The following GEMIN4 variants were observed in gnomAD, a reference collection of about 807,000 sequenced individuals.
GEMIN4 encodes gem-associated protein 4.
GEMIN4 carries 59 observed loss-of-function variants against 76.8 expected under a neutral mutation model. The ratio of observed to expected loss-of-function variants is 0.77; its 90% CI spans 0.62 to 0.95. The LOEUF is 0.95. GEMIN4 is among the 40% of genes least tolerant of loss of function. GEMIN4 has a pLI of 0.00. For missense variants in GEMIN4, 1,311 were observed against 1,318.9 expected (o/e 0.99, Z 0.09); for synonymous variants, 562 against 559.7 (o/e 1.00, Z -0.06).
In GEMIN4 at chr17:746,290, A is replaced by G. The variant is rs1974405676; in HGVS notation, c.1753T>C (p.Phe585Leu). 1.9e-6 allele frequency: 3 copies of G among 1,613,808 alleles called. No individual in the cohort carries two copies. Among genetic ancestry groups the G allele is most frequent in the East Asian group, 2.2e-5 (1 of 44,882 alleles). ...TCTTCCACAAACCTAAGGGCAGGGA[A>G]GGCAGTGAGAATCTGGGCCAGGAAC... ...HKFLAQILTA[F>L]PALRFVEEQG... is the part of the protein sequence containing the mutation. The change falls in exon 2 of 2, where the codon TTC (phenylalanine) becomes CTC (leucine). Residue 585 changes from phenylalanine to leucine, a missense_variant. This residue lies in a region of GEMIN4 where 1,208 missense variants were observed against 1,166.9 expected (regional missense o/e 1.04). Coordinates refer to ENST00000319004, the MANE Select transcript of GEMIN4 (RefSeq NM_015721.3). The surrounding 1 kb of genome is among the most constrained non-coding windows in gnomAD (Gnocchi z 4.3).
Position 744,763 on chromosome 17 carries a change from C to A in GEMIN4, c.*103G>T. Reference sequence around the variant, plus strand: ...CCAGGCTGCTCGGGTCTGACCCCTACAGACCTGCCATGTTGAAGCCCAGCT... The same window carrying A: ...CCAGGCTGCTCGGGTCTGACCCCTAAAGACCTGCCATGTTGAAGCCCAGCT... On this transcript the variant is annotated 3_prime_UTR_variant, in exon 2 of 2. Transcript: ENST00000319004. 1 of 1,308,202 alleles carries A rather than the reference C, an allele frequency of 7.6e-7. No homozygotes were observed. Among genetic ancestry groups the A allele is most frequent in the Non-Finnish European group, 1.0e-6 (1 of 975,658 alleles). 81.0% of individuals were successfully genotyped at this position (1,308,202 alleles called of 1,614,324 possible). A position where few individuals can be genotyped will look rare whatever the true frequency, so the allele number is the denominator to read the frequency against.
intron 1 of GEMIN4, 166 bp from the exon 2 acceptor site, chr17:748,198 C>A (rs1057071297): frequency 6.5e-6 from 4 of 612,210 alleles, no homozygotes; most frequent in Non-Finnish European, 1.1e-5. Context: ...GTCAGAAGGA[C>A]TTGGCCGAGG....
In GEMIN4 at chr17:747,275, G is replaced by A. The variant is rs775097115; in HGVS notation, c.768C>T (p.Asp256=). 8.7e-6 allele frequency: 14 copies of A among 1,613,652 alleles called. No individual in the cohort carries two copies. Among genetic ancestry groups the A allele is most frequent in the Non-Finnish European group, 1.2e-5 (14 of 1,179,884 alleles). ...MLTVFALTED[D]PQEVSATVYL... ...ACACGGTTGCAGACACCTCCTGGGG[G>A]TCGTCCTCTGTCAGCGCAAACACAG... is the stretch of plus-strand genomic sequence containing the variant. Residue 256 remains aspartate (D), a synonymous_variant, in exon 2 of 2, where the codon GAC becomes GAT. Coordinates refer to ENST00000319004, the MANE Select transcript of GEMIN4 (RefSeq NM_015721.3).
chr17:753,518 A>C (rs1904863517), upstream of GEMIN4: 1 of 159,604 alleles, frequency 6.3e-6, no homozygotes, highest in Admixed American at 6.5e-5. Context: ...GCTCCTCGGG[A>C]ATGGAAAGGG....
At position 747,424 on chromosome 17, in the gene GEMIN4, G is replaced by C. The variant is rs1478968785; in HGVS notation, c.619C>G (p.Pro207Ala). The change falls in exon 2 of 2, where the codon CCA becomes GCA. Residue 207 changes from proline (P) to alanine (A), a missense_variant. Physicochemically the swap from Pro to Ala is conservative, Grantham distance 27. This residue lies in a region of GEMIN4 where 1,208 missense variants were observed against 1,166.9 expected (regional missense o/e 1.04). Coordinates refer to ENST00000319004, the MANE Select transcript of GEMIN4 (RefSeq NM_015721.3). ...PHPPKRLRSD[P>A]DACPTMPLLA... is the part of the protein sequence containing the mutation. ...AGGGGCATGGTGGGGCACGCGTCTG[G>C]GTCTGACCTAAGCCTCTTTGGAGGA... 8.1e-6 allele frequency: 13 copies of C among 1,613,726 alleles called. No homozygotes were observed. Among genetic ancestry groups the C allele is most frequent in the African/African-American group, 4.0e-5 (3 of 74,916 alleles).
At position 744,884 on chromosome 17, in the gene GEMIN4, C is replaced by A; in HGVS notation, c.3159G>T (p.Gln1053His). ...GPEERRQTLL[Q>H]KMSSF ...CGCCAAGTCAGAAGCTGCTCATCTT[C>A]TGCAACAGGGTTTGGCGCCGTTCTT... is the stretch of plus-strand genomic sequence containing the variant. The change falls in exon 2 of 2, where the codon CAG becomes CAT. Residue 1053 changes from glutamine (Q) to histidine (H), a missense_variant. Transcript: ENST00000319004. 6.2e-7 allele frequency: 1 copy of A among 1,611,036 alleles called. No individual in the cohort carries two copies. The highest frequency in any genetic ancestry group is 8.5e-7 in the Non-Finnish European group (1 of 1,178,632).
chr17:748,857 G>GGGCACAGAAGCAATCACACGGCTACAGGA (rs1904451509), intron 1 of GEMIN4: 1 of 188,732 alleles, frequency 5.3e-6, no homozygotes, highest in Non-Finnish European at 1.0e-5. Context: ...CAGCCACAGG[G>GGGCACAGAAGCAATCACACGGCTACAGGA]TAATGGGCAC....
At position 747,633 on chromosome 17, in the gene GEMIN4, C is replaced by G. The variant is rs905820790; in HGVS notation, c.410G>C (p.Cys137Ser). The change falls in exon 2 of 2, where the codon TGC (cysteine) becomes TCC (serine). Residue 137 changes from cysteine (C) to serine (S), a missense_variant. Physicochemically the swap from Cys to Ser is moderately radical, Grantham distance 112. Coordinates refer to ENST00000319004, the MANE Select transcript of GEMIN4 (RefSeq NM_015721.3). ...QLLMALPTTI[C>S]HAELERFLEH... ...CAGAAAGCGCTCTAGTTCTGCATGGCAGATGGTGGTGGGCAGGGCCATCAG... is the reference window on the plus strand; with the variant it reads ...CAGAAAGCGCTCTAGTTCTGCATGGGAGATGGTGGTGGGCAGGGCCATCAG... The G allele has an allele frequency of 6.2e-7, 1 of 1,613,836 alleles. No individual in the cohort carries two copies. The highest frequency in any genetic ancestry group is 1.3e-5 in the African/African-American group (1 of 74,900).
Position 747,329 on chromosome 17 carries a change from A to G in GEMIN4, c.714T>C (p.Cys238=). ...SRILGPGRKC[C]ALANLADMLT... ...GCATGTCAGCCAGGTTGGCCAGCGC[A>G]CAGCACTTCCTCCCCGGGCCCAGGA... Residue 238 remains cysteine, a synonymous_variant, in exon 2 of 2, where the codon TGT becomes TGC. Coordinates refer to ENST00000319004, the MANE Select transcript of GEMIN4 (RefSeq NM_015721.3). The G allele has an allele frequency of 6.2e-7, 1 of 1,613,762 alleles. No homozygotes were observed. Among genetic ancestry groups the G allele is most frequent in the Non-Finnish European group, 8.5e-7 (1 of 1,179,874 alleles).
At chr17:751,791 C>T in intron 1 of GEMIN4, 1 of 325,580 alleles carries the variant, frequency 3.1e-6, no homozygotes, top group Non-Finnish European at 5.6e-6. Context: ...AGCTGCCGTT[C>T]AGGAAATGAG....
Position 747,662 on chromosome 17 carries a change from C to G in GEMIN4, c.381G>C (p.Gln127His), listed in dbSNP as rs200790925. The G allele has an allele frequency of 1.4e-5, 23 of 1,613,912 alleles. No homozygotes were observed. The highest frequency in any genetic ancestry group is 1.9e-5 in the Non-Finnish European group (22 of 1,179,878). The stretch of plus-strand genomic sequence containing the variant: ...TGGTGGTGGGCAGGGCCATCAGGAG[C>G]TGGATAAAGAGTCCAGAAGCTTCCA... ...KSLEASGLFI[Q>H]LLMALPTTIC... Residue 127 changes from glutamine (Q) to histidine (H), a missense_variant, in exon 2 of 2, where the codon CAG becomes CAC. Transcript: ENST00000319004.
In GEMIN4 at chr17:745,711, A is replaced by G. The variant is rs770985482; in HGVS notation, c.2332T>C (p.Phe778Leu). 6.2e-7 allele frequency: 1 copy of G among 1,604,220 alleles called. No individual in the cohort carries two copies. Among genetic ancestry groups the G allele is most frequent in the Non-Finnish European group, 8.5e-7 (1 of 1,175,572 alleles). The change falls in exon 2 of 2, where the codon TTC (phenylalanine) becomes CTC (leucine). Residue 778 changes from phenylalanine to leucine, a missense_variant. By Grantham distance (22) the Phe-to-Leu change is conservative (BLOSUM62 0). Around this residue, in one of 2 missense-constraint regions of GEMIN4, gnomAD observed 1,208 missense variants for 1,166.9 expected, o/e 1.04. Coordinates refer to ENST00000319004, the MANE Select transcript of GEMIN4 (RefSeq NM_015721.3). This position sits in a 1 kb window ranked among gnomAD's most constrained non-coding sequence, Gnocchi z 4.6. ...WTVGLRLKSF[F>L]EGHFKCEVPA... ...ACTTCACACTTGAAGTGCCCCTCGA[A>G]GAAGCTCTTCAGCCTCAGGCCCACA...
intron 1 of GEMIN4, chr17:749,779 C>T (rs1447482235): frequency 1.0e-6 from 1 of 986,144 alleles, no homozygotes; most frequent in Admixed American, 5.8e-5. Context: ...CAGAAGGAAT[C>T]AGACAAGCCC....
Position 751,921 on chromosome 17 carries a change from C to A in GEMIN4, c.10+212G>T, listed in dbSNP as rs186745340. The A allele has an allele frequency of 2.7e-3, 1,051 of 383,876 alleles. 25 individuals carry two copies. In the East Asian group the frequency reaches 0.032, roughly 12 times the overall value. 23.8% of individuals were successfully genotyped at this position (383,876 alleles called of 1,614,324 possible). A position where few individuals can be genotyped will look rare whatever the true frequency, so the allele number is the denominator to read the frequency against. ...GCTCCGTGTTTTCAAGCGCAGGGGG[C>A]CGGAGGCGGCAAGACGCGGCCCAAC... On this transcript the variant is annotated intron_variant, in intron 1 of 1. Coordinates refer to ENST00000319004, the MANE Select transcript of GEMIN4 (RefSeq NM_015721.3).
At chr17:752,031 G>T in intron 1 of GEMIN4, 102 bp downstream of exon 1, 1 of 835,634 alleles carries the variant, frequency 1.2e-6, no homozygotes, top group Non-Finnish European at 1.6e-6. Context: ...TTCGGTCCGG[G>T]CCCGCGCGAG....
At chr17:748,196 G>A (rs556570466) in intron 1 of GEMIN4, 164 bp from the exon 2 acceptor site, 832 of 617,298 alleles carry the variant, frequency 1.3e-3, no homozygotes, top group Non-Finnish European at 1.7e-3. Context: ...GAGTCAGAAG[G>A]ACTTGGCCGA....
chr17:744,679 T>C lies in GEMIN4; in HGVS notation c.*187A>G, dbSNP rs1004214278. On this transcript the variant is annotated 3_prime_UTR_variant, in exon 2 of 2. Transcript: ENST00000319004. ...TACGTTACAAATACCCAAGAAACTA[T>C]TTTCTTTACACCATTATTGCCATGA... 1 of 577,768 alleles carries C rather than the reference T, an allele frequency of 1.7e-6. No individual in the cohort carries two copies. The highest frequency in any genetic ancestry group is 1.9e-5 in the African/African-American group (1 of 53,650). 35.8% of individuals were successfully genotyped at this position (577,768 alleles called of 1,614,324 possible).
chr17:747,234 G>T lies in GEMIN4; in HGVS notation c.809C>A (p.Ala270Asp). The T allele has an allele frequency of 6.2e-7, 1 of 1,613,812 alleles. No individual in the cohort carries two copies. The highest frequency in any genetic ancestry group is 8.5e-7 in the Non-Finnish European group (1 of 1,179,866). The change falls in exon 2 of 2, where the codon GCC (alanine) becomes GAC (aspartate). Residue 270 changes from alanine (A) to aspartate (D), a missense_variant. Around this residue, in one of 2 missense-constraint regions of GEMIN4, gnomAD observed 1,208 missense variants for 1,166.9 expected, o/e 1.04. Coordinates refer to ENST00000319004, the MANE Select transcript of GEMIN4 (RefSeq NM_015721.3). ...VSATVYLDKL[A>D]TVISVWNSDT... is the part of the protein sequence containing the mutation. ...CGAGTTCCACACAGAGATCACCGTG[G>T]CCAGTTTGTCCAGATACACGGTTGC...
chr17:752,333 A>G, upstream of GEMIN4: 2 of 1,206,978 alleles, frequency 1.7e-6, no homozygotes, highest in Non-Finnish European at 2.1e-6. Flanking sequence ...CGAGCGCGCC[A>G]AGCGCACAGC....
Sources: allele counts gnomAD v4.1 joint callset, GRCh38; gene constraint gnomAD v4.1.1; regional missense constraint gnomAD v4.1.1; non-coding constraint Gnocchi (gnomAD v3.1); transcripts MANE v1.5; gene names NCBI Gene and HGNC (gene_info 2026-07-23, HGNC 2026-07-21).